Variants in UNC13A observed in about 807,000 individuals in gnomAD.
UNC13A encodes unc-13 homolog A.
In UNC13A, 61 loss-of-function variants were observed where a neutral mutation model predicts 219.7. That is an observed-to-expected ratio of 0.28 (90% CI 0.23 to 0.34). The LOEUF is 0.34. UNC13A is among the 10% of genes least tolerant of loss of function. The probability of loss-of-function intolerance (pLI) is 1.00; values close to 1 mark genes in which losing one functional copy is unlikely to be tolerated. For synonymous variants in UNC13A, 920 were observed against 884.6 expected, an observed-to-expected ratio of 1.04 and a Z score of -0.71; for missense variants, 1,476 against 2,270.3, an observed-to-expected ratio of 0.65 and a Z score of 7.11.
At chr19:17,607,463 G>C (rs940466223) in intron 43 of UNC13A, among the ~76,000 whole-genome samples, 6 of 132,066 alleles carry the variant, frequency 4.5e-5, no homozygotes, top group Non-Finnish European at 4.7e-5. Flanking sequence ...GGGGTGGCGG[G>C]GGGGGGGGTC....
chr19:17,676,967 T>C (rs1749021250), intron 1 of UNC13A, among the ~76,000 whole-genome samples: 1 of 152,100 alleles, frequency 6.6e-6, no homozygotes, highest in South Asian at 2.1e-4. Flanking sequence ...TGAGCCAAGA[T>C]CATGCCACTG....
In UNC13A at chr19:17,674,959, G is replaced by A. The variant is rs943592261; in HGVS notation, c.53-203C>T. Among the ~76,000 whole-genome samples, 10 of 152,116 alleles carry A rather than the reference G, an allele frequency of 6.6e-5. No individual in the cohort carries two copies. The highest frequency in any genetic ancestry group is 1.9e-4 in the East Asian group (1 of 5,180). The stretch of plus-strand genomic sequence containing the variant: ...TTGGGATACTTCATCCAGCTGCTTC[G>A]AAATGACCATGCCATTGGTTTTCAG... On this transcript the variant is annotated intron_variant, in intron 2 of 43. Coordinates refer to ENST00000519716, the MANE Select transcript of UNC13A (RefSeq NM_001080421.3). The surrounding 1 kb of genome is among the most constrained non-coding windows in gnomAD (Gnocchi z 5.0).
chr19:17,674,181 T>G lies in UNC13A; in HGVS notation c.152+476A>C, dbSNP rs1239319862. On this transcript the variant is annotated intron_variant, in intron 3 of 43. Coordinates refer to ENST00000519716, the MANE Select transcript of UNC13A (RefSeq NM_001080421.3). This position sits in a 1 kb window ranked among gnomAD's most constrained non-coding sequence, Gnocchi z 5.0. Reference sequence around the variant, plus strand: ...GACAGGAGAGCAAGTGCAAGGGCCCTGGGGCAAGAACAAGCTGGGAAGTGT... The same window carrying G: ...GACAGGAGAGCAAGTGCAAGGGCCCGGGGGCAAGAACAAGCTGGGAAGTGT... Among the ~76,000 whole-genome samples the G allele has an allele frequency of 5.3e-5, 8 of 152,006 alleles. No homozygotes were observed. In the East Asian group the frequency reaches 1.2e-3, roughly 22 times the overall value.
rs978256875 is a variant in UNC13A at position 17,612,003 on chromosome 19, G to A, written c.4559-148C>T. ...GCACTGATGGGGGGCCAGGATGGGA[G>A]GTGCTCTTGGGAAGCCAAGAATCCT... On this transcript the variant is annotated intron_variant, in intron 41 of 43. Coordinates refer to ENST00000519716, the MANE Select transcript of UNC13A (RefSeq NM_001080421.3). 10 of 597,430 alleles carry A rather than the reference G, an allele frequency of 1.7e-5. No individual in the cohort carries two copies. In the Admixed American group the frequency reaches 3.0e-4, roughly 18 times the overall value. The allele number at this position is 597,430 out of a possible 1,614,324, so 37.0% of individuals were successfully genotyped here.
At chr19:17,643,380 C>T (rs538914930) in intron 19 of UNC13A, among the ~76,000 whole-genome samples, 12 of 151,912 alleles carry the variant, frequency 7.9e-5, no homozygotes, top group African/African-American at 1.9e-4. Flanking sequence ...AGTGCGGTGG[C>T]GCAATCTTGG....
intron 5 of UNC13A, 84 bp from the exon 6 acceptor site, chr19:17,668,274 G>C: frequency 7.3e-7 from 1 of 1,375,862 alleles, no homozygotes; most frequent in Non-Finnish European, 1.0e-6. Flanking sequence ...AGCTCCACCC[G>C]GGCCCTGGCT....
chr19:17,621,731 C>A (rs2076731821), intron 37 of UNC13A, 101 bp downstream of exon 37: 2 of 1,286,448 alleles, frequency 1.6e-6, no homozygotes, highest in South Asian at 2.4e-5. Flanking sequence ...TACCCACGAC[C>A]CCCAGCTGCC....
intron 11 of UNC13A, among the ~76,000 whole-genome samples, chr19:17,652,881 T>C (rs1278503540): frequency 6.6e-6 from 1 of 152,136 alleles, no homozygotes; most frequent in Non-Finnish European, 1.5e-5. Flanking sequence ...AGAAAGAAGC[T>C]CTTCTCTTTC....
chr19:17,622,939 T>A (rs190511919), intron 36 of UNC13A: 3 of 152,402 alleles, frequency 2.0e-5, no homozygotes, highest in Non-Finnish European at 4.4e-5. Flanking sequence ...ACCCCAAGTC[T>A]ACCTGACATC....
Position 17,620,674 on chromosome 19 carries a change from A to G in UNC13A, c.4272+19T>C, listed in dbSNP as rs1445766475. On this transcript the variant is annotated intron_variant, in intron 38 of 43. Coordinates refer to ENST00000519716, the MANE Select transcript of UNC13A (RefSeq NM_001080421.3). ...GGAGTGGGATGGGAGCCAGACAGACAGTGAGAGGCCGGTCTTACGTCTGAG... is the reference window on the plus strand; with the variant it reads ...GGAGTGGGATGGGAGCCAGACAGACGGTGAGAGGCCGGTCTTACGTCTGAG... 1.9e-6 allele frequency: 3 copies of G among 1,611,384 alleles called. No homozygotes were observed. Among genetic ancestry groups the G allele is most frequent in the African/African-American group, 2.7e-5 (2 of 74,890 alleles).
intron 43 of UNC13A, among the ~76,000 whole-genome samples, chr19:17,608,437 TA>T (rs1408680967): frequency 2.9e-5 from 4 of 138,546 alleles, no homozygotes; most frequent in East Asian, 2.0e-4. Context: ...GATATATATT[TA>T]TTATATATTA....
chr19:17,662,224 C>G (rs2079563079), intron 8 of UNC13A, among the ~76,000 whole-genome samples: 2 of 149,980 alleles, frequency 1.3e-5, no homozygotes, highest in Admixed American at 6.7e-5. Context: ...CCAGCCTGGG[C>G]AACAGAGCAA....
chr19:17,613,859 GTGCA>G (rs1555776505), intron 41 of UNC13A: 3 of 148,830 alleles, frequency 2.0e-5, no homozygotes, highest in African/African-American at 2.5e-5. Flanking sequence ...GGGACTACAG[GTGCA>G]CACCACCACA....
rs747440148 is a variant in UNC13A at position 17,655,937 on chromosome 19, T to C, written c.1229A>G (p.Lys410Arg). 3.9e-6 allele frequency: 6 copies of C among 1,540,900 alleles called. No individual in the cohort carries two copies. The highest frequency in any genetic ancestry group is 1.3e-5 in the South Asian group (1 of 78,944). ...AGGGATCTGCTCAGCTGCAGGCACC[T>C]TGTCGGGCGTGGCTGGCTTGGGGGC... ...KVAPKPATPD[K>R]VPAAEQIPEA... Residue 410 changes from lysine (K) to arginine (R), a missense_variant, in exon 10 of 44, where the codon AAG becomes AGG. Lys to Arg is a conservative substitution (Grantham distance 26). Transcript: ENST00000519716.
intron 38 of UNC13A, among the ~76,000 whole-genome samples, chr19:17,620,275 A>T (rs1287781772): frequency 6.6e-6 from 1 of 152,022 alleles, no homozygotes; most frequent in African/African-American, 2.4e-5. Flanking sequence ...GGGCCCATTT[A>T]CTGTGGAAAT....
intron 19 of UNC13A, among the ~76,000 whole-genome samples, chr19:17,643,382 C>T (rs2076991581): frequency 6.6e-6 from 1 of 151,862 alleles, no homozygotes; most frequent in Admixed American, 6.6e-5. Flanking sequence ...TGCGGTGGCG[C>T]AATCTTGGCT....
chr19:17,679,082 G>A (rs114594500), intron 1 of UNC13A, among the ~76,000 whole-genome samples: 1,568 of 151,920 alleles, frequency 0.01, 25 homozygotes, highest in African/African-American at 0.036. Context: ...AATGTAGTAA[G>A]ATCCCATGTC....
At chr19:17,670,891 G>A (rs189273779) in intron 4 of UNC13A, among the ~76,000 whole-genome samples, 14 of 144,088 alleles carry the variant, frequency 9.7e-5, no homozygotes, top group African/African-American at 3.6e-4. Flanking sequence ...GTGACAGAGT[G>A]AGACTCCATC....
At chr19:17,675,972 A>G in intron 2 of UNC13A, 40 bp downstream of exon 2, 2 of 1,550,576 alleles carry the variant, frequency 1.3e-6, no homozygotes, top group African/African-American at 1.4e-5. Context: ...AGACAGACAG[A>G]CAGACAACAC....
Sources: allele counts gnomAD v4.1 joint callset (sites outside exome capture counted in the v4.1 genomes callset), GRCh38; gene constraint gnomAD v4.1.1; non-coding constraint Gnocchi (gnomAD v3.1); transcripts MANE v1.5; gene names NCBI Gene and HGNC (gene_info 2026-07-23, HGNC 2026-07-21).